Variants in SIGLEC12 observed in about 807,000 individuals in gnomAD.
SIGLEC12 encodes sialic acid binding Ig like lectin 12, also known as sialic acid-binding Ig-like lectin 12.
A neutral mutation model predicts 54.1 loss-of-function variants in SIGLEC12; 43 were observed. The ratio of observed to expected loss-of-function variants is 0.80; its 90% CI spans 0.62 to 1.03. SIGLEC12 has a LOEUF of 1.03. SIGLEC12 is among the 50% of genes least tolerant of loss of function. The probability of loss-of-function intolerance (pLI) is 0.00; values close to 1 mark genes in which losing one functional copy is unlikely to be tolerated. For missense variants in SIGLEC12, 802 were observed against 735.2 expected, an observed-to-expected ratio of 1.09 and a Z score of -1.05; for synonymous variants, 357 against 307.6, an observed-to-expected ratio of 1.16 and a Z score of -1.68.
chr19:51,493,606 C>T (rs1990159938), intron 7 of SIGLEC12, among the ~76,000 whole-genome samples: 1 of 152,184 alleles, frequency 6.6e-6, no homozygotes, highest in African/African-American at 2.4e-5. Context: ...CTGACCCCTC[C>T]ATTCTACCCA....
chr19:51,496,484 A>AATAG (rs1990242657), intron 7 of SIGLEC12, among the ~76,000 whole-genome samples: 1 of 152,200 alleles, frequency 6.6e-6, no homozygotes, highest in Non-Finnish European at 1.5e-5. Context: ...TAAATAAATA[A>AATAG]AAATAAAAAC....
intron 7 of SIGLEC12, among the ~76,000 whole-genome samples, chr19:51,493,496 C>T (rs564625832): frequency 1.3e-5 from 2 of 152,308 alleles, no homozygotes; most frequent in South Asian, 2.1e-4. Context: ...CAAACCCACA[C>T]ATCTTGTCGA....
intron 3 of SIGLEC12, 58 bp downstream of exon 3, chr19:51,499,380 T>C: frequency 6.5e-7 from 1 of 1,545,056 alleles, no homozygotes; most frequent in Non-Finnish European, 8.7e-7. Context: ...GGGTCCCACA[T>C]CCAACTGGCC....
At chr19:51,498,863 T>G (rs902930182) in intron 4 of SIGLEC12, among the ~76,000 whole-genome samples, 5 of 152,188 alleles carry the variant, frequency 3.3e-5, no homozygotes, top group African/African-American at 9.7e-5. Context: ...ACCTCAGAAC[T>G]ATTGGTGAAA....
At chr19:51,499,040 G>T in intron 4 of SIGLEC12, 130 bp downstream of exon 4, 1 of 872,864 alleles carries the variant, frequency 1.1e-6, no homozygotes, top group Non-Finnish European at 1.9e-6. Context: ...GTGGCCAAAA[G>T]GCTGAGGCTG....
chr19:51,499,443 A>G lies in SIGLEC12; in HGVS notation c.1082T>C (p.Ile361Thr), dbSNP rs754918586. The change falls in exon 3 of 8, where the codon ATA becomes ACA. Residue 361 changes from isoleucine to threonine, a missense_variant. By Grantham distance (89) the Ile-to-Thr change is moderately conservative. Coordinates refer to ENST00000291707, the MANE Select transcript of SIGLEC12 (RefSeq NM_053003.4). ...VTMTRAVRLN[I>T]SYPPQNLTMT... ...CGTCCTGGCCCAGAACTCACAGGAT[A>G]TGTTGAGTCGGACAGCCCTGGTCAT... The G allele has an allele frequency of 5.1e-6, 8 of 1,578,028 alleles. No homozygotes were observed. Among genetic ancestry groups the G allele is most frequent in the Non-Finnish European group, 5.1e-6 (6 of 1,166,100 alleles).
chr19:51,500,500 A>G, intron 1 of SIGLEC12, 200 bp from the exon 2 acceptor site: 1 of 841,544 alleles, frequency 1.2e-6, no homozygotes, highest in East Asian at 2.6e-5. Flanking sequence ...ATGGAAGAGA[A>G]ACTGCAAACC....
rs1990402251 is a variant in SIGLEC12, at chr19:51,501,667, CCTT to C, written c.64_66del (p.Lys22del). The C allele has an allele frequency of 6.2e-7, 1 of 1,614,090 alleles. No individual in the cohort carries two copies. Among genetic ancestry groups the C allele is most frequent in the Non-Finnish European group, 8.5e-7 (1 of 1,179,966 alleles). On this transcript the variant is annotated inframe_deletion, in exon 1 of 8. Transcript: ENST00000291707. Reference sequence around the variant, plus strand: ...GACTTCTGCATTGTCAGCAGGTAATCCTTCTGTTCCTTAGCCCCCACTCTCCCA... The same window carrying C: ...GACTTCTGCATTGTCAGCAGGTAATCCTGTTCCTTAGCCCCCACTCTCCCA...
intron 7 of SIGLEC12, among the ~76,000 whole-genome samples, chr19:51,493,301 T>C (rs2122204559): frequency 6.6e-6 from 1 of 152,282 alleles, no homozygotes; most frequent in East Asian, 1.9e-4. Flanking sequence ...TTGGCAGCCC[T>C]TTTGCTAGAT....
At chr19:51,499,894 G>A (rs1990346411) in intron 2 of SIGLEC12, 26 bp downstream of exon 2, 1 of 1,586,450 alleles carries the variant, frequency 6.3e-7, no homozygotes. Flanking sequence ...CTTCCCCTCT[G>A]GCTGGTCCTA....
At chr19:51,499,875 C>T (rs1365306895) in intron 2 of SIGLEC12, 45 bp downstream of exon 2, 5 of 1,570,654 alleles carry the variant, frequency 3.2e-6, no homozygotes, top group Non-Finnish European at 4.3e-6. Flanking sequence ...TACCCTGCGG[C>T]CCTCGGGCCT....
Position 51,491,771 on chromosome 19 carries a change from A to G in SIGLEC12, c.1658T>C (p.Leu553Pro). 6.2e-7 allele frequency: 1 copy of G among 1,609,728 alleles called. No homozygotes were observed. The highest frequency in any genetic ancestry group is 8.5e-7 in the Non-Finnish European group (1 of 1,177,726). ...TCCTTCCTCTGGGGAGGGGGTGGCCAGGGCTGGCGGAGCATGGTGTGGGGG... is the reference window on the plus strand; with the variant it reads ...TCCTTCCTCTGGGGAGGGGGTGGCCGGGGCTGGCGGAGCATGGTGTGGGGG... Reference protein sequence around the residue: ...DSPPHHAPPALATPSPEEGEI... With the variant: ...DSPPHHAPPAPATPSPEEGEI... The change falls in exon 8 of 8, where the codon CTG (leucine) becomes CCG (proline). Residue 553 changes from leucine to proline, a missense_variant. Transcript: ENST00000291707.
At position 51,498,395 on chromosome 19, in the gene SIGLEC12, T is replaced by C. The variant is rs1990301485; in HGVS notation, c.1136-108A>G. The C allele has an allele frequency of 3.1e-6, 3 of 964,504 alleles. No homozygotes were observed. The East Asian group carries it at 7.9e-5, about 26-fold the overall frequency. The allele number at this position is 964,504 out of a possible 1,614,324, so 59.7% of individuals were successfully genotyped here. A position where few individuals can be genotyped will look rare whatever the true frequency, so the allele number is the denominator to read the frequency against. ...GAACAGACACTGATACATGCTGAAT[T>C]GTAGGGACATATGCACGTTCACTGC... On this transcript the variant is annotated intron_variant, in intron 4 of 7. Transcript: ENST00000291707.
At position 51,498,028 on chromosome 19, in the gene SIGLEC12, G is replaced by A. The variant is rs56102305; in HGVS notation, c.1395C>T (p.Asn465=). ...QHISLSLSLQ[N]EYTGKMRPIS... is the part of the protein sequence containing the mutation. The stretch of plus-strand genomic sequence containing the variant: ...CCCTCCCCTACCCACCTGTGTACTC[G>A]TTTTGCAGGGAGAGGCTCAGGGAAA... The change falls in exon 5 of 8, where the codon AAC becomes AAT. Residue 465 remains asparagine, a synonymous_variant. Coordinates refer to ENST00000291707, the MANE Select transcript of SIGLEC12 (RefSeq NM_053003.4). The A allele has an allele frequency of 0.033, 53,347 of 1,614,150 alleles. 1,117 individuals carry two copies. The highest frequency in any genetic ancestry group is 0.083 in the Middle Eastern group (501 of 6,060).
chr19:51,500,564 T>C (rs1004603178), intron 1 of SIGLEC12, among the ~76,000 whole-genome samples: 1 of 151,948 alleles, frequency 6.6e-6, no homozygotes, highest in Non-Finnish European at 1.5e-5. Context: ...ACCCTAAAGC[T>C]CAGAGACCCT....
At position 51,496,995 on chromosome 19, in the gene SIGLEC12, G is replaced by C; in HGVS notation, c.1503-19C>G. Reference sequence around the variant, plus strand: ...CCTCACTCTGAGTGAAGAGACCAGAGAGCCTTTCAGTGTGGTCAGATCGGG... The same window carrying C: ...CCTCACTCTGAGTGAAGAGACCAGACAGCCTTTCAGTGTGGTCAGATCGGG... On this transcript the variant is annotated intron_variant, in intron 6 of 7. Transcript: ENST00000291707. The C allele has an allele frequency of 6.2e-7, 1 of 1,612,734 alleles. No homozygotes were observed. The highest frequency in any genetic ancestry group is 8.5e-7 in the Non-Finnish European group (1 of 1,179,966).
At chr19:51,492,386 G>A (rs1990129121) in intron 7 of SIGLEC12, among the ~76,000 whole-genome samples, 1 of 152,224 alleles carries the variant, frequency 6.6e-6, no homozygotes, top group Non-Finnish European at 1.5e-5. Context: ...CCTTGATTCA[G>A]ACGTGGCACC....
intron 7 of SIGLEC12, among the ~76,000 whole-genome samples, chr19:51,495,873 A>G (rs1336428446): frequency 6.6e-6 from 1 of 152,208 alleles, no homozygotes; most frequent in Non-Finnish European, 1.5e-5. Flanking sequence ...TGAGTGTAAT[A>G]TTTATATCAG....
chr19:51,492,806 T>C (rs973034965), intron 7 of SIGLEC12, among the ~76,000 whole-genome samples: 7 of 152,240 alleles, frequency 4.6e-5, no homozygotes, highest in Non-Finnish European at 8.8e-5. Flanking sequence ...TGGCCCTGCC[T>C]GCCAATGCCT....
Sources: gnomAD v4.1 joint callset for allele counts (sites outside exome capture counted in the v4.1 genomes callset) on GRCh38, gnomAD v4.1.1 for gene constraint, MANE v1.5 for transcripts, NCBI Gene and HGNC (gene_info 2026-07-23, HGNC 2026-07-21) for gene names.